Variants in MCC observed in about 807,000 individuals in gnomAD.
The protein encoded by MCC is MCC regulator of Wnt signaling pathway.
MCC carries 90 observed loss-of-function variants against 116.2 expected under a neutral mutation model. The ratio of observed to expected loss-of-function variants is 0.77; its 90% CI spans 0.65 to 0.92. The LOEUF is 0.92. Among genes scored for constraint, MCC ranks in the 40% least tolerant of loss-of-function variants. MCC has a pLI of 0.00. For synonymous variants in MCC, 578 were observed against 510.5 expected, an observed-to-expected ratio of 1.13 and a Z score of -1.78; for missense variants, 1,516 against 1,312.2, an observed-to-expected ratio of 1.16 and a Z score of -2.40.
At chr5:113,112,983 A>AT (rs974325597) in intron 6 of MCC, among the ~76,000 whole-genome samples, 3 of 152,372 alleles carry the variant, frequency 2.0e-5, no homozygotes, top group Admixed American at 2.0e-4. Flanking sequence ...AGTTAGAGAC[A>AT]TAAGTCACAG....
chr5:113,103,281 C>G (rs1302600390), intron 7 of MCC, among the ~76,000 whole-genome samples: 1 of 152,198 alleles, frequency 6.6e-6, no homozygotes. Flanking sequence ...AATCTGGAGA[C>G]TCTCATCCTA....
intron 3 of MCC, among the ~76,000 whole-genome samples, chr5:113,297,140 T>C (rs1264952312): frequency 6.6e-6 from 1 of 152,102 alleles, no homozygotes; most frequent in Non-Finnish European, 1.5e-5. Context: ...ATGTAGTAGG[T>C]TGAAAGTGGG....
At chr5:113,088,108 G>A (rs1561797652) in intron 8 of MCC, among the ~76,000 whole-genome samples, 1 of 152,136 alleles carries the variant, frequency 6.6e-6, no homozygotes, top group Non-Finnish European at 1.5e-5. Flanking sequence ...AACTAAAGAT[G>A]ATAAACATGT....
chr5:113,225,612 C>T (rs1431760180), intron 3 of MCC, among the ~76,000 whole-genome samples: 1 of 152,184 alleles, frequency 6.6e-6, no homozygotes, highest in East Asian at 1.9e-4. Flanking sequence ...TGGAGTCCTT[C>T]ACCTCCTTGA....
intron 15 of MCC, among the ~76,000 whole-genome samples, chr5:113,050,500 G>A (rs1752417626): frequency 6.6e-6 from 1 of 152,170 alleles, no homozygotes; most frequent in African/African-American, 2.4e-5. Context: ...AATGGGTAGA[G>A]GACACCCCTC....
intron 3 of MCC, among the ~76,000 whole-genome samples, chr5:113,263,627 T>G (rs910043362): frequency 6.6e-6 from 1 of 152,228 alleles, no homozygotes; most frequent in Non-Finnish European, 1.5e-5. Context: ...GCAATAATTT[T>G]ACTGCAGGAA....
chr5:113,337,521 C>T (rs750925157), intron 3 of MCC, among the ~76,000 whole-genome samples: 14 of 152,266 alleles, frequency 9.2e-5, no homozygotes, highest in East Asian at 3.9e-4. Context: ...GTACTCTTTC[C>T]TTGGGAACAG....
chr5:113,329,985 G>A (rs2150374397), intron 3 of MCC, among the ~76,000 whole-genome samples: 1 of 152,282 alleles, frequency 6.6e-6, no homozygotes, highest in South Asian at 2.1e-4. Flanking sequence ...ACTAAATTTG[G>A]CCTGAATTAC....
rs567016486 is a variant in MCC at position 113,405,297 on chromosome 5, C to T, written c.171-20085G>A. 2.0e-5 allele frequency among the ~76,000 whole-genome samples: 3 copies of T among 152,338 alleles called. No homozygotes were observed. The South Asian group carries it at 6.2e-4, about 32-fold the overall frequency. On this transcript the variant is annotated intron_variant, in intron 1 of 18. Coordinates refer to ENST00000408903, the MANE Select transcript of MCC (RefSeq NM_001085377.2). ...ACTTGGCCTTGACAGTAGTTCCCTT[C>T]AGTTGTCCAAAGTGTATCAGTTAAT...
At chr5:113,105,769 A>G (rs893798865) in intron 6 of MCC, among the ~76,000 whole-genome samples, 1 of 152,234 alleles carries the variant, frequency 6.6e-6, no homozygotes, top group East Asian at 1.9e-4. Context: ...CCACGCGGTC[A>G]CCAAAGTGGG....
At chr5:113,448,241 GTCAA>G (rs1242905458) in intron 1 of MCC, 2 of 152,188 alleles carry the variant, frequency 1.3e-5, no homozygotes, top group African/African-American at 2.4e-5. Context: ...CATGAGTGGG[GTCAA>G]TCAGTCTTTG....
chr5:113,039,704 A>G (rs1292281858), intron 17 of MCC, among the ~76,000 whole-genome samples: 1 of 135,072 alleles, frequency 7.4e-6, no homozygotes. Flanking sequence ...TTGCCGTCCC[A>G]CTCCGCGCCC....
intron 8 of MCC, among the ~76,000 whole-genome samples, chr5:113,101,157 A>G (rs1406616615): frequency 6.6e-6 from 1 of 152,208 alleles, no homozygotes; most frequent in Admixed American, 6.5e-5. Flanking sequence ...GGAGTCACAC[A>G]TACACATCTG....
At chr5:113,100,547 C>T (rs950889106) in intron 8 of MCC, among the ~76,000 whole-genome samples, 2 of 145,324 alleles carry the variant, frequency 1.4e-5, no homozygotes, top group African/African-American at 5.1e-5. Flanking sequence ...TCTTGGCCCA[C>T]TGCAACCCCC....
At chr5:113,104,049 C>T in intron 7 of MCC, 143 bp downstream of exon 7, 4 of 803,796 alleles carry the variant, frequency 5.0e-6, no homozygotes, top group Non-Finnish European at 5.4e-6. Context: ...CCCGCTTCTA[C>T]ACCGTGGCTC....
At chr5:113,158,472 C>T (rs1031760844) in intron 3 of MCC, among the ~76,000 whole-genome samples, 1 of 152,224 alleles carries the variant, frequency 6.6e-6, no homozygotes, top group Non-Finnish European at 1.5e-5. Flanking sequence ...AAGGCAGTGT[C>T]AAATCCCAAT....
At chr5:113,225,975 C>T (rs1192799714) in intron 3 of MCC, among the ~76,000 whole-genome samples, 3 of 152,362 alleles carry the variant, frequency 2.0e-5, no homozygotes, top group East Asian at 3.9e-4. Context: ...GGGTTCCAGA[C>T]CAGACTGGCC....
At chr5:113,169,332 CT>C (rs1330265887) in intron 3 of MCC, among the ~76,000 whole-genome samples, 24 of 152,140 alleles carry the variant, frequency 1.6e-4, no homozygotes. Context: ...CATTATAGGT[CT>C]TTTTAAAAGT....
At chr5:113,178,275 T>C (rs1313141935) in intron 3 of MCC, among the ~76,000 whole-genome samples, 1 of 152,082 alleles carries the variant, frequency 6.6e-6, no homozygotes, top group African/African-American at 2.4e-5. Flanking sequence ...CAGTGGCGAG[T>C]GGACCATCTC....
Sources: allele counts gnomAD v4.1 joint callset (sites outside exome capture counted in the v4.1 genomes callset), GRCh38; gene constraint gnomAD v4.1.1; transcripts MANE v1.5; gene names NCBI Gene and HGNC (gene_info 2026-07-23, HGNC 2026-07-21).